The following RSPRY1 variants were observed in gnomAD, a reference collection of about 807,000 sequenced individuals.
RSPRY1 encodes the protein RING finger and SPRY domain-containing protein 1.
Under a neutral mutation model 73.1 loss-of-function variants are expected in RSPRY1, and 23 were observed. That is an observed-to-expected ratio of 0.31 (90% CI 0.23 to 0.45). RSPRY1 has a LOEUF of 0.45. Ranked by LOEUF, RSPRY1 falls within the 20% of genes least tolerant of loss-of-function variation. The pLI is 1.00. For missense variants in RSPRY1, 448 were observed against 698.7 expected (o/e 0.64, Z 4.05); for synonymous variants, 226 against 251.4 (o/e 0.90, Z 0.95).
chr16:57,239,973 G>T lies in RSPRY1; in HGVS notation c.*998G>T, dbSNP rs554789109. ...TTGAATAGTTCAATCATGAATTATT[G>T]ACTATGTCTTCATCAAAAGTGTTAA... On this transcript the variant is annotated 3_prime_UTR_variant, in exon 15 of 15. Coordinates refer to ENST00000394420, the MANE Select transcript of RSPRY1 (RefSeq NM_133368.3). The T allele has an allele frequency of 1.8e-4, 28 of 152,180 alleles. No individual in the cohort carries two copies. The highest frequency in any genetic ancestry group is 6.7e-4 in the African/African-American group (28 of 41,520). The allele number at this position is 152,180 out of a possible 1,614,324, so 9.4% of individuals were successfully genotyped here.
chr16:57,202,648 T>G (rs1356235842), intron 1 of RSPRY1, among the ~76,000 whole-genome samples: 1 of 152,082 alleles, frequency 6.6e-6, no homozygotes, highest in African/African-American at 2.4e-5. Context: ...TTCAGTCACA[T>G]CCTTTTCAGT....
rs201113562 is a variant in RSPRY1, at chr16:57,208,982, GTCTT to G, written c.404-87_404-84del. 5.4e-5 allele frequency: 44 copies of G among 816,862 alleles called. No homozygotes were observed. The East Asian group carries it at 1.1e-3, about 21-fold the overall frequency. The allele number at this position is 816,862 out of a possible 1,614,324, so 50.6% of individuals were successfully genotyped here. On this transcript the variant is annotated intron_variant, in intron 3 of 14. Coordinates refer to ENST00000394420, the MANE Select transcript of RSPRY1 (RefSeq NM_133368.3). The stretch of plus-strand genomic sequence containing the variant: ...GCTGCTAAAAATCTATAGACCAAAA[GTCTT>G]TCTTTTAATGTGAATTGATCTCGTG...
At chr16:57,200,881 C>T (rs2074571099) in intron 1 of RSPRY1, among the ~76,000 whole-genome samples, 2 of 132,488 alleles carry the variant, frequency 1.5e-5, no homozygotes, top group African/African-American at 2.9e-5. Context: ...GGCAGAGGGG[C>T]TCCTTACTTC....
At chr16:57,201,330 C>T (rs1210091289) in intron 1 of RSPRY1, among the ~76,000 whole-genome samples, 3 of 144,752 alleles carry the variant, frequency 2.1e-5, no homozygotes, top group South Asian at 4.2e-4. Context: ...ACGGGGCGGC[C>T]GGGCAGAGAC....
At chr16:57,191,133 A>G (rs916313868) in intron 1 of RSPRY1, among the ~76,000 whole-genome samples, 5 of 152,172 alleles carry the variant, frequency 3.3e-5, no homozygotes, top group Admixed American at 6.5e-5. Flanking sequence ...ATATTACCTC[A>G]TAGTTTAATG....
chr16:57,218,995 CA>C (rs1277850931), intron 8 of RSPRY1, among the ~76,000 whole-genome samples: 1 of 151,122 alleles, frequency 6.6e-6, no homozygotes, highest in Non-Finnish European at 1.5e-5. Context: ...CTCGGCCTCC[CA>C]AAGTGCTGGG....
At chr16:57,198,244 C>T (rs1030668832) in intron 1 of RSPRY1, among the ~76,000 whole-genome samples, 11 of 151,930 alleles carry the variant, frequency 7.2e-5, no homozygotes, top group South Asian at 4.2e-4. Flanking sequence ...ATTAGCTGGG[C>T]GTGGTGGTGG....
chr16:57,216,798 C>T, intron 7 of RSPRY1, 106 bp from the exon 8 acceptor site: 1 of 1,044,734 alleles, frequency 9.6e-7, no homozygotes, highest in Admixed American at 2.0e-5. Flanking sequence ...CTAATCTAGT[C>T]TCCAATTCTT....
At chr16:57,207,023 C>G (rs1435849977) in intron 2 of RSPRY1, among the ~76,000 whole-genome samples, 2 of 152,198 alleles carry the variant, frequency 1.3e-5, no homozygotes, top group African/African-American at 4.8e-5. Flanking sequence ...TATTTTGTTA[C>G]ATTTTCATCT....
chr16:57,220,921 G>T, intron 9 of RSPRY1, 74 bp downstream of exon 9: 1 of 1,089,268 alleles, frequency 9.2e-7, no homozygotes, highest in Non-Finnish European at 1.4e-6. Flanking sequence ...ATAGCCAGTT[G>T]TCTTAGGGCT....
intron 7 of RSPRY1, chr16:57,216,612 T>C: frequency 2.6e-6 from 1 of 387,082 alleles, no homozygotes; most frequent in Admixed American, 3.9e-5. Flanking sequence ...CCTAGCTACT[T>C]GGGATGCTGA....
At chr16:57,221,538 C>A in intron 10 of RSPRY1, 123 bp downstream of exon 10, 1 of 977,840 alleles carries the variant, frequency 1.0e-6, no homozygotes, top group Non-Finnish European at 1.5e-6. Context: ...TTGGGCAGAG[C>A]CACATGGTAC....
At chr16:57,235,515 C>T (rs1193135565) in intron 14 of RSPRY1, among the ~76,000 whole-genome samples, 1 of 152,132 alleles carries the variant, frequency 6.6e-6, no homozygotes. Context: ...TTAGAGCTTC[C>T]TCATTTACTT....
chr16:57,221,898 T>G (rs2075043159), intron 10 of RSPRY1, among the ~76,000 whole-genome samples: 1 of 152,272 alleles, frequency 6.6e-6, no homozygotes, highest in African/African-American at 2.4e-5. Context: ...TCTTTTGTTA[T>G]AGAAAGCTAT....
chr16:57,199,190 C>T (rs1336302751), intron 1 of RSPRY1, among the ~76,000 whole-genome samples: 8 of 152,124 alleles, frequency 5.3e-5, no homozygotes, highest in African/African-American at 1.7e-4. Context: ...TGGCTTCATT[C>T]TAGTTAGATT....
intron 13 of RSPRY1, among the ~76,000 whole-genome samples, 158 bp from the exon 14 acceptor site, chr16:57,234,966 G>T (rs989946200): frequency 2.6e-5 from 4 of 152,222 alleles, no homozygotes; most frequent in Non-Finnish European, 4.4e-5. Context: ...GAAAATGATT[G>T]TAGGATTGAA....
In RSPRY1 at chr16:57,239,016, C is replaced by G. The variant is rs2075342502; in HGVS notation, c.*41C>G. ...ATCGTGGACTTTTTTCTACTCAATT[C>G]CAGCCAATGTTGAAAAGAAAAAGAA... On this transcript the variant is annotated 3_prime_UTR_variant, in exon 15 of 15. Transcript: ENST00000394420. 1 of 1,096,442 alleles carries G rather than the reference C, an allele frequency of 9.1e-7. No homozygotes were observed. Among genetic ancestry groups the G allele is most frequent in the Non-Finnish European group, 1.4e-6 (1 of 736,038 alleles). The allele number at this position is 1,096,442 out of a possible 1,614,324, so 67.9% of individuals were successfully genotyped here.
chr16:57,214,001 T>C, intron 6 of RSPRY1, 55 bp downstream of exon 6: 1 of 1,193,016 alleles, frequency 8.4e-7, no homozygotes, highest in Non-Finnish European at 1.3e-6. Context: ...GGGCATCATC[T>C]AGAACTGTGC....
chr16:57,210,065 TC>T (rs2074809483), intron 4 of RSPRY1, among the ~76,000 whole-genome samples: 1 of 113,662 alleles, frequency 8.8e-6, no homozygotes, highest in African/African-American at 3.3e-5. Context: ...CTTCCTCCCT[TC>T]CTTCCTTCTT....
Sources: allele counts gnomAD v4.1 joint callset (sites outside exome capture counted in the v4.1 genomes callset), GRCh38; gene constraint gnomAD v4.1.1; transcripts MANE v1.5; gene names NCBI Gene and HGNC (gene_info 2026-07-23, HGNC 2026-07-21).